Variants in CLSTN2 observed in about 807,000 individuals in gnomAD.
The protein encoded by CLSTN2 is calsyntenin-2.
Under a neutral mutation model 101.2 loss-of-function variants are expected in CLSTN2, and 48 were observed. The observed-to-expected ratio is 0.47, with a 90% CI of 0.38 to 0.60. The LOEUF is 0.60. Ranked by LOEUF, CLSTN2 falls within the 20% of genes least tolerant of loss-of-function variation. The probability of loss-of-function intolerance (pLI) is 0.00; values close to 1 mark genes in which losing one functional copy is unlikely to be tolerated. For missense variants in CLSTN2, 1,160 were observed against 1,238.2 expected, an observed-to-expected ratio of 0.94 and a Z score of 0.95; for synonymous variants, 481 against 463.6, an observed-to-expected ratio of 1.04 and a Z score of -0.48.
At chr3:140,478,286 A>G (rs946486294) in intron 8 of CLSTN2, among the ~76,000 whole-genome samples, 1 of 151,706 alleles carries the variant, frequency 6.6e-6, no homozygotes, top group Non-Finnish European at 1.5e-5. Context: ...TATGTCTACA[A>G]GCACTATTTC....
chr3:140,142,213 C>T (rs1157348683), intron 1 of CLSTN2, among the ~76,000 whole-genome samples: 1 of 152,146 alleles, frequency 6.6e-6, no homozygotes, highest in East Asian at 1.9e-4. Context: ...ATGTTGCTTC[C>T]TTCGTATTGA....
intron 9 of CLSTN2, among the ~76,000 whole-genome samples, chr3:140,536,942 C>T (rs1314163859): frequency 6.6e-6 from 1 of 152,210 alleles, no homozygotes; most frequent in Non-Finnish European, 1.5e-5. Flanking sequence ...TATTCACATC[C>T]TCCTTGAAGC....
intron 2 of CLSTN2, among the ~76,000 whole-genome samples, chr3:140,196,632 T>C (rs2010646788): frequency 6.6e-6 from 1 of 152,158 alleles, no homozygotes; most frequent in Admixed American, 6.5e-5. Context: ...TCCCGTGTAA[T>C]TACAACCAGC....
At chr3:140,181,709 T>TACAC (rs10549079) in intron 2 of CLSTN2, among the ~76,000 whole-genome samples, 7 of 151,704 alleles carry the variant, frequency 4.6e-5, no homozygotes, top group African/African-American at 1.7e-4. Flanking sequence ...GTCCTTTTAT[T>TACAC]ACACACACAC....
intron 1 of CLSTN2, among the ~76,000 whole-genome samples, chr3:140,171,803 G>A (rs1402012739): frequency 1.1e-4 from 10 of 90,980 alleles, no homozygotes; most frequent in African/African-American, 3.0e-4. Flanking sequence ...TATATAATAT[G>A]TATTATATAT....
At chr3:140,037,734 TC>T (rs1376775239) in intron 1 of CLSTN2, among the ~76,000 whole-genome samples, 1 of 152,074 alleles carries the variant, frequency 6.6e-6, no homozygotes, top group African/African-American at 2.4e-5. Context: ...TGTGTGTTGT[TC>T]CCCCCATGTG....
chr3:140,557,853 C>T (rs765001740), intron 11 of CLSTN2, among the ~76,000 whole-genome samples: 7 of 152,166 alleles, frequency 4.6e-5, no homozygotes, highest in African/African-American at 7.2e-5. Context: ...TGAGGTCTGA[C>T]GAGAAGTTCA....
In CLSTN2 at chr3:140,576,289, T is replaced by A. The variant is rs2107800948; in HGVS notation, c.*10036T>A. 1 of 152,346 alleles carries A rather than the reference T, an allele frequency of 6.6e-6. No homozygotes were observed. Among genetic ancestry groups the A allele is most frequent in the South Asian group, 2.1e-4 (1 of 4,818 alleles). The allele number at this position is 152,346 out of a possible 1,614,324, so 9.4% of individuals were successfully genotyped here. A position where few individuals can be genotyped will look rare whatever the true frequency, so the allele number is the denominator to read the frequency against. Reference sequence around the variant, plus strand: ...CTGCATCTGCTGAACACCCAACAGCTGTTTCTACAAGCTAAAGTTGTAGCT... The same window carrying A: ...CTGCATCTGCTGAACACCCAACAGCAGTTTCTACAAGCTAAAGTTGTAGCT... On this transcript the variant is annotated 3_prime_UTR_variant, in exon 17 of 17. Coordinates refer to ENST00000458420, the MANE Select transcript of CLSTN2 (RefSeq NM_022131.3).
rs114188404 is a variant in CLSTN2 at position 140,527,100 on chromosome 3, T to C, written c.1345-5224T>C. Among the ~76,000 whole-genome samples the C allele has an allele frequency of 5.6e-3, 856 of 152,306 alleles. 7 individuals carry two copies. Among genetic ancestry groups the C allele is most frequent in the African/African-American group, 0.019 (803 of 41,576 alleles). On this transcript the variant is annotated intron_variant, in intron 8 of 16. Transcript: ENST00000458420. Reference sequence around the variant, plus strand: ...ATTGACAAGTGGGAGCTAATTAAATTGAAGGGCTTCTTCATAGCAAAAGAA... The same window carrying C: ...ATTGACAAGTGGGAGCTAATTAAATCGAAGGGCTTCTTCATAGCAAAAGAA...
chr3:139,990,410 A>C (rs1174950348), intron 1 of CLSTN2, among the ~76,000 whole-genome samples: 1 of 152,210 alleles, frequency 6.6e-6, no homozygotes, highest in Non-Finnish European at 1.5e-5. Context: ...TTGCAGATTT[A>C]GGTGTTTCTA....
intron 1 of CLSTN2, among the ~76,000 whole-genome samples, chr3:140,098,798 T>G (rs2008914058): frequency 6.6e-6 from 1 of 152,174 alleles, no homozygotes; most frequent in South Asian, 2.1e-4. Context: ...CTCCTGAAAG[T>G]TTGTTATTTT....
chr3:140,442,083 G>A lies in CLSTN2; in HGVS notation c.788-6436G>A, dbSNP rs546586339. Among the ~76,000 whole-genome samples, 39 of 152,220 alleles carry A rather than the reference G, an allele frequency of 2.6e-4. No individual in the cohort carries two copies. In the East Asian group the frequency reaches 6.8e-3, roughly 26 times the overall value. On this transcript the variant is annotated intron_variant, in intron 5 of 16. Transcript: ENST00000458420. ...CATTCTGCAATGCTATATTAACCATGCCTTTTATTTTCTAGTATATATTCT... is the reference window on the plus strand; with the variant it reads ...CATTCTGCAATGCTATATTAACCATACCTTTTATTTTCTAGTATATATTCT...
chr3:140,040,617 A>C (rs1031067730), intron 1 of CLSTN2, among the ~76,000 whole-genome samples: 6 of 151,982 alleles, frequency 3.9e-5, no homozygotes, highest in African/African-American at 1.4e-4. Context: ...CCGGGGTCTG[A>C]ATATTTTATT....
chr3:140,457,433 A>C (rs183512250), intron 6 of CLSTN2, among the ~76,000 whole-genome samples: 2 of 152,220 alleles, frequency 1.3e-5, no homozygotes, highest in African/African-American at 4.8e-5. Flanking sequence ...AGGAAAATGC[A>C]CTTTCCCCAA....
intron 1 of CLSTN2, among the ~76,000 whole-genome samples, chr3:140,117,646 G>A (rs1216282267): frequency 6.6e-6 from 1 of 152,152 alleles, no homozygotes; most frequent in Non-Finnish European, 1.5e-5. Context: ...CCTTTTAATG[G>A]AAATTGCAAT....
chr3:140,084,863 T>C (rs549691517), intron 1 of CLSTN2, among the ~76,000 whole-genome samples: 5 of 152,342 alleles, frequency 3.3e-5, no homozygotes, highest in Admixed American at 2.6e-4. Flanking sequence ...CCTGAGGAAG[T>C]CTACTTGCTT....
At chr3:140,172,236 G>C (rs1352080022) in intron 1 of CLSTN2, among the ~76,000 whole-genome samples, 2 of 148,836 alleles carry the variant, frequency 1.3e-5, no homozygotes, top group Admixed American at 1.3e-4. Flanking sequence ...GGGTGAGCGG[G>C]GGGGACTAAA....
intron 2 of CLSTN2, among the ~76,000 whole-genome samples, chr3:140,333,692 G>A (rs1380181639): frequency 6.7e-6 from 1 of 149,924 alleles, no homozygotes; most frequent in African/African-American, 2.5e-5. Context: ...CTGTGTGTGT[G>A]TGTGTGTGTG....
chr3:140,502,875 G>C (rs528792349), intron 8 of CLSTN2, among the ~76,000 whole-genome samples: 7 of 152,334 alleles, frequency 4.6e-5, no homozygotes, highest in Admixed American at 6.5e-5. Context: ...CACATATGTA[G>C]TGACTTCAAC....
Sources: allele counts gnomAD v4.1 joint callset (sites outside exome capture counted in the v4.1 genomes callset), GRCh38; gene constraint gnomAD v4.1.1; transcripts MANE v1.5; gene names NCBI Gene and HGNC (gene_info 2026-07-23, HGNC 2026-07-21).